XKR4: variants seen among roughly 807,000 people sequenced by gnomAD.
The protein encoded by XKR4 is XK-related protein 4.
Under a neutral mutation model 53.9 loss-of-function variants are expected in XKR4, and 12 were observed. The observed-to-expected ratio is 0.22, with a 90% CI of 0.14 to 0.36. XKR4 has a LOEUF of 0.36. Among genes scored for constraint, XKR4 ranks in the 10% least tolerant of loss-of-function variants. The pLI, the probability that XKR4 is intolerant of heterozygous loss-of-function variation, is 1.00. For missense variants in XKR4, 799 were observed against 859.5 expected, an observed-to-expected ratio of 0.93 and a Z score of 0.88; for synonymous variants, 354 against 362.4, an observed-to-expected ratio of 0.98 and a Z score of 0.26.
intron 2 of XKR4, among the ~76,000 whole-genome samples, chr8:55,404,989 C>A (rs905271843): frequency 9.9e-5 from 15 of 152,182 alleles, no homozygotes; most frequent in Non-Finnish European, 1.9e-4. Flanking sequence ...TTGCAAAATG[C>A]CTGTCTTGCC....
intron 1 of XKR4, among the ~76,000 whole-genome samples, chr8:55,119,269 A>G (rs1341565451): frequency 6.6e-6 from 1 of 152,092 alleles, no homozygotes; most frequent in Non-Finnish European, 1.5e-5. Flanking sequence ...GGACTCCCAT[A>G]CTGGGAAGTC....
intron 1 of XKR4, among the ~76,000 whole-genome samples, chr8:55,231,562 C>T (rs1385596892): frequency 1.3e-5 from 2 of 152,048 alleles, no homozygotes; most frequent in Non-Finnish European, 2.9e-5. Context: ...CCTTCCCACA[C>T]AACTAAGATG....
At chr8:55,465,108 A>C (rs369968044) in intron 2 of XKR4, among the ~76,000 whole-genome samples, 2 of 152,144 alleles carry the variant, frequency 1.3e-5, no homozygotes, top group Admixed American at 1.3e-4. Flanking sequence ...GCTACCAATG[A>C]CTTTCTTCAC....
rs1211214869 is a variant in XKR4 at position 55,289,755 on chromosome 8, GAA to G, written c.807-67921_807-67920del. ...AAAGAAAGAAAGAAAAAGAAAGAAA[GAA>G]AGAGAGAAAGAAAGAGAAAGAGAGG... On this transcript the variant is annotated intron_variant, in intron 1 of 2. Coordinates refer to ENST00000327381, the MANE Select transcript of XKR4 (RefSeq NM_052898.2). Among the ~76,000 whole-genome samples the G allele has an allele frequency of 3.1e-3, 439 of 141,200 alleles. 3 individuals are homozygous for G. The highest frequency in any genetic ancestry group is 9.6e-3 in the African/African-American group (362 of 37,898). The allele number at this position is 141,200 out of a possible 152,430, so 92.6% of individuals were successfully genotyped here.
At chr8:55,490,607 A>T (rs1806257344) in intron 2 of XKR4, among the ~76,000 whole-genome samples, 1 of 152,176 alleles carries the variant, frequency 6.6e-6, no homozygotes, top group Admixed American at 6.5e-5. Flanking sequence ...ACCCCCAAAA[A>T]ATATAAAATT....
intron 2 of XKR4, among the ~76,000 whole-genome samples, chr8:55,391,225 G>C (rs75961680): frequency 0.013 from 2,012 of 152,242 alleles, 51 homozygotes; most frequent in African/African-American, 0.046. Flanking sequence ...GAAAGTTACA[G>C]GTGCATTCTT....
At chr8:55,505,343 T>C (rs375511890) in intron 2 of XKR4, among the ~76,000 whole-genome samples, 2 of 152,232 alleles carry the variant, frequency 1.3e-5, no homozygotes. Context: ...AGTATGTTGT[T>C]TAAGCCTGGG....
chr8:55,313,609 C>G (rs1386750198), intron 1 of XKR4, among the ~76,000 whole-genome samples: 1 of 152,174 alleles, frequency 6.6e-6, no homozygotes, highest in Non-Finnish European at 1.5e-5. Context: ...GCAAATACCC[C>G]ATCAACCAGC....
chr8:55,213,769 T>C (rs930415797), intron 1 of XKR4, among the ~76,000 whole-genome samples: 11 of 152,198 alleles, frequency 7.2e-5, no homozygotes, highest in Admixed American at 7.2e-4. Flanking sequence ...TCTTTCACTA[T>C]CGTAATTTTC....
intron 2 of XKR4, among the ~76,000 whole-genome samples, chr8:55,371,809 A>G (rs1047698107): frequency 6.6e-6 from 1 of 152,234 alleles, no homozygotes; most frequent in Non-Finnish European, 1.5e-5. Flanking sequence ...TCTACTTATC[A>G]TTGATTCAAG....
chr8:55,228,121 G>A (rs1338652982), intron 1 of XKR4, among the ~76,000 whole-genome samples: 1 of 152,070 alleles, frequency 6.6e-6, no homozygotes, highest in Non-Finnish European at 1.5e-5. Flanking sequence ...TGGCCAGGCT[G>A]GTCTCAAACT....
intron 2 of XKR4, among the ~76,000 whole-genome samples, chr8:55,402,742 TTCAGGATAATGCCCA>T (rs1183997274): frequency 1.3e-5 from 2 of 152,140 alleles, no homozygotes; most frequent in Non-Finnish European, 2.9e-5. Context: ...GAGGGCAGCA[TTCAGGATAATGCCCA>T]TCAGAGTGAA....
chr8:55,114,852 C>T (rs888196648), intron 1 of XKR4, among the ~76,000 whole-genome samples: 3 of 152,114 alleles, frequency 2.0e-5, no homozygotes, highest in African/African-American at 4.8e-5. Flanking sequence ...CCAGTGTTAG[C>T]CCCTTTATTC....
At chr8:55,157,976 A>T (rs752169500) in intron 1 of XKR4, among the ~76,000 whole-genome samples, 4 of 152,230 alleles carry the variant, frequency 2.6e-5, no homozygotes, top group Non-Finnish European at 5.9e-5. Context: ...TGCAATGAAC[A>T]TACGTGTGCA....
intron 1 of XKR4, among the ~76,000 whole-genome samples, chr8:55,331,098 A>G (rs989729041): frequency 5.9e-5 from 9 of 152,084 alleles, no homozygotes; most frequent in African/African-American, 1.9e-4. Context: ...CCAAACTGAA[A>G]CTGTACGCAT....
At chr8:55,216,981 G>A (rs1025589710) in intron 1 of XKR4, among the ~76,000 whole-genome samples, 3 of 151,456 alleles carry the variant, frequency 2.0e-5, no homozygotes, top group African/African-American at 4.8e-5. Flanking sequence ...AGTGGCTTAC[G>A]CCTATAATCT....
At chr8:55,124,625 T>C (rs1816436906) in intron 1 of XKR4, among the ~76,000 whole-genome samples, 1 of 152,258 alleles carries the variant, frequency 6.6e-6, no homozygotes, top group Non-Finnish European at 1.5e-5. Context: ...GCTTTCAGCA[T>C]CTCAATAATT....
rs539770488 is a variant in XKR4, at chr8:55,251,768, G to A, written c.807-105910G>A. ...TCTTTTGAAATACAGTAATGAGATA[G>A]CATTCATTTTGCTTTATGACTCCGC... is the stretch of plus-strand genomic sequence containing the variant. On this transcript the variant is annotated intron_variant, in intron 1 of 2. Transcript: ENST00000327381. Among the ~76,000 whole-genome samples the A allele has an allele frequency of 5.3e-5, 8 of 152,258 alleles. 1 individual carries two copies. The South Asian group carries it at 1.7e-3, about 32-fold the overall frequency.
chr8:55,261,091 G>A (rs1818517990), intron 1 of XKR4, among the ~76,000 whole-genome samples: 2 of 152,172 alleles, frequency 1.3e-5, no homozygotes, highest in South Asian at 2.1e-4. Context: ...CTGGGAAGGT[G>A]AGATGTTAGG....
Sources: allele counts gnomAD v4.1 joint callset (sites outside exome capture counted in the v4.1 genomes callset), GRCh38; gene constraint gnomAD v4.1.1; transcripts MANE v1.5; gene names NCBI Gene and HGNC (gene_info 2026-07-23, HGNC 2026-07-21).